The following NDUFV3 variants were observed in gnomAD, a reference collection of about 807,000 sequenced individuals.
The protein encoded by NDUFV3 is NADH:ubiquinone oxidoreductase subunit V3, also known as NADH dehydrogenase [ubiquinone] flavoprotein 3, mitochondrial.
In NDUFV3, 44 loss-of-function variants were observed where a neutral mutation model predicts 37.5. The ratio of observed to expected loss-of-function variants is 1.17; its 90% CI spans 0.92 to 1.51. The LOEUF is 1.51. Among genes scored for constraint, NDUFV3 ranks in the 40% most tolerant of loss-of-function variants. The pLI, the probability that NDUFV3 is intolerant of heterozygous loss-of-function variation, is 0.00. For missense variants in NDUFV3, 580 were observed against 580.4 expected (o/e 1.00, Z 0.01); for synonymous variants, 235 against 239.3 (o/e 0.98, Z 0.17).
In NDUFV3 at chr21:42,912,970, A is replaced by C. The variant is rs1052524376; in HGVS notation, c.*3949A>C. 9 of 151,690 alleles carry C rather than the reference A, an allele frequency of 5.9e-5. No individual in the cohort carries two copies. Among genetic ancestry groups the C allele is most frequent in the African/African-American group, 2.2e-4 (9 of 41,252 alleles). The allele number at this position is 151,690 out of a possible 1,614,324, so 9.4% of individuals were successfully genotyped here. ...TCCCAGCTACTCGGGAGGCTGAGACAGGAGAATGATGTGAACCCGGGAGGC... is the reference window on the plus strand; with the variant it reads ...TCCCAGCTACTCGGGAGGCTGAGACCGGAGAATGATGTGAACCCGGGAGGC... On this transcript the variant is annotated 3_prime_UTR_variant, in exon 4 of 4. Coordinates refer to ENST00000354250, the MANE Select transcript of NDUFV3 (RefSeq NM_021075.4).
At position 42,904,258 on chromosome 21, in the gene NDUFV3, G is replaced by T; in HGVS notation, c.1246G>T (p.Asp416Tyr). ...GGAAGATGCAGCCGCGCCAGGGGAC[G>T]ACCGAGGCGGCACACAGGGTATACC... ...AMEDAAAPGDDRGGTQEPAPV... is the reference protein window; with the variant it reads ...AMEDAAAPGDYRGGTQEPAPV... Residue 416 changes from aspartate (D) to tyrosine (Y), a missense_variant, in exon 3 of 4, where the codon GAC (aspartate) becomes TAC (tyrosine). Asp to Tyr is a radical substitution (Grantham distance 160). Transcript: ENST00000354250. The T allele has an allele frequency of 2.5e-6, 4 of 1,600,466 alleles. No homozygotes were observed. In the South Asian group the frequency reaches 4.5e-5, roughly 18 times the overall value.
At chr21:42,895,849 A>G (rs752479370) in intron 1 of NDUFV3, among the ~76,000 whole-genome samples, 4 of 152,106 alleles carry the variant, frequency 2.6e-5, no homozygotes, top group South Asian at 2.1e-4. Context: ...TCCATAATAT[A>G]CATACATTAT....
At position 42,894,338 on chromosome 21, in the gene NDUFV3, A is replaced by G. The variant is rs1381140678; in HGVS notation, c.48+957A>G. On this transcript the variant is annotated intron_variant, in intron 1 of 3. Coordinates refer to ENST00000354250, the MANE Select transcript of NDUFV3 (RefSeq NM_021075.4). Reference sequence around the variant, plus strand: ...ATATATATATATAAATACATATTATATATATTATATATAAATATATATTAT... The same window carrying G: ...ATATATATATATAAATACATATTATGTATATTATATATAAATATATATTAT... Among the ~76,000 whole-genome samples, 5 of 60,632 alleles carry G rather than the reference A, an allele frequency of 8.2e-5. 1 individual carries two copies. The East Asian group carries it at 1.1e-3, about 13-fold the overall frequency. 39.8% of individuals were successfully genotyped at this position (60,632 alleles called of 152,430 possible). A position where few individuals can be genotyped will look rare whatever the true frequency, so the allele number is the denominator to read the frequency against.
intron 3 of NDUFV3, among the ~76,000 whole-genome samples, chr21:42,905,943 C>T (rs964666791): frequency 8.6e-5 from 13 of 151,380 alleles, no homozygotes; most frequent in Admixed American, 2.0e-4. Flanking sequence ...GGCTCACTGC[C>T]GGCTCCACCT....
intron 2 of NDUFV3, among the ~76,000 whole-genome samples, chr21:42,897,409 T>TGTTTG (rs2058697329): frequency 3.7e-5 from 2 of 53,468 alleles, no homozygotes; most frequent in African/African-American, 1.1e-4. Context: ...CTGAGTTGTT[T>TGTTTG]GTTTTGTTTT....
chr21:42,894,244 A>G (rs1399781170), intron 1 of NDUFV3, among the ~76,000 whole-genome samples: 13 of 135,660 alleles, frequency 9.6e-5, no homozygotes, highest in African/African-American at 3.8e-4. Context: ...TCACTCTCTT[A>G]CAAATTTTAA....
rs1283498508 is a variant in NDUFV3, at chr21:42,904,027, C to T, written c.1015C>T (p.Pro339Ser). ...AAEGHLEKPV[P>S]EPQRKAAPPL... ...AGAGGGGCATCTGGAAAAACCCGTG[C>T]CAGAGCCCCAGCGCAAGGCGGCCCC... is the stretch of plus-strand genomic sequence containing the variant. Residue 339 changes from proline to serine, a missense_variant, in exon 3 of 4, where the codon CCA becomes TCA. Physicochemically the swap from Pro to Ser is moderately conservative, Grantham distance 74. Coordinates refer to ENST00000354250, the MANE Select transcript of NDUFV3 (RefSeq NM_021075.4). The T allele has an allele frequency of 6.2e-7, 1 of 1,613,980 alleles. No individual in the cohort carries two copies. The highest frequency in any genetic ancestry group is 1.3e-5 in the African/African-American group (1 of 74,926).
chr21:42,907,081 A>G (rs1047161155), intron 3 of NDUFV3, among the ~76,000 whole-genome samples: 2 of 152,188 alleles, frequency 1.3e-5, no homozygotes, highest in African/African-American at 4.8e-5. Flanking sequence ...CTTAACCCAA[A>G]TATCAGCCTG....
chr21:42,894,342 ATT>A lies in NDUFV3; in HGVS notation c.48+962_48+963del, dbSNP rs1491571338. Among the ~76,000 whole-genome samples the A allele has an allele frequency of 7.7e-5, 4 of 52,084 alleles. 1 individual carries two copies. In the African/African-American group the frequency reaches 8.1e-4, roughly 11 times the overall value. The allele number at this position is 52,084 out of a possible 152,430, so 34.2% of individuals were successfully genotyped here. On this transcript the variant is annotated intron_variant, in intron 1 of 3. Coordinates refer to ENST00000354250, the MANE Select transcript of NDUFV3 (RefSeq NM_021075.4). Reference sequence around the variant, plus strand: ...ATATATATAAATACATATTATATATATTATATATAAATATATATTATATATAT... The same window carrying A: ...ATATATATAAATACATATTATATATAATATATAAATATATATTATATATAT...
chr21:42,897,093 A>G, intron 2 of NDUFV3, 46 bp downstream of exon 2: 1 of 1,608,154 alleles, frequency 6.2e-7, no homozygotes, highest in South Asian at 1.1e-5. Flanking sequence ...TGCAAAAAGA[A>G]AATAGATTAG....
At chr21:42,896,475 C>T (rs1431349200) in intron 1 of NDUFV3, among the ~76,000 whole-genome samples, 2 of 151,832 alleles carry the variant, frequency 1.3e-5, no homozygotes, top group Non-Finnish European at 2.9e-5. Flanking sequence ...TTAGTAGAGA[C>T]GGGGTTGTCC....
chr21:42,900,203 A>G (rs2058712816), intron 2 of NDUFV3, among the ~76,000 whole-genome samples: 1 of 152,076 alleles, frequency 6.6e-6, no homozygotes, highest in South Asian at 2.1e-4. Context: ...CCCTGTCTCG[A>G]CAAAAATAAA....
intron 2 of NDUFV3, among the ~76,000 whole-genome samples, chr21:42,898,361 C>T (rs2058703612): frequency 6.6e-6 from 1 of 152,220 alleles, no homozygotes; most frequent in Admixed American, 6.5e-5. Context: ...TAGCTCACTA[C>T]AGCCTCAAAC....
In NDUFV3 at chr21:42,903,881, C is replaced by A. The variant is rs1355106411; in HGVS notation, c.869C>A (p.Pro290His). The stretch of plus-strand genomic sequence containing the variant: ...CAAAAGCCATTTGAAGTTAAAGGAC[C>A]CTTACCTGTCCACACAAAATCAGGG... ...ESQKPFEVKG[P>H]LPVHTKSGLS... Residue 290 changes from proline to histidine, a missense_variant, in exon 3 of 4, where the codon CCC (proline) becomes CAC (histidine). Transcript: ENST00000354250. 3.1e-6 allele frequency: 5 copies of A among 1,611,806 alleles called. No homozygotes were observed. The highest frequency in any genetic ancestry group is 4.2e-6 in the Non-Finnish European group (5 of 1,179,312).
At position 42,904,140 on chromosome 21, in the gene NDUFV3, A is replaced by C; in HGVS notation, c.1128A>C (p.Pro376=). The change falls in exon 3 of 4, where the codon CCA becomes CCC. Residue 376 remains proline, a synonymous_variant. Transcript: ENST00000354250. The stretch of plus-strand genomic sequence containing the variant: ...AGGCAATCGTGGAAGATCAGATACC[A>C]CCAAGCAATTTGGAGACAGTTCCTG... ...GGQAIVEDQI[P]PSNLETVPVE... 1.9e-6 allele frequency: 3 copies of C among 1,614,234 alleles called. No individual in the cohort carries two copies. The highest frequency in any genetic ancestry group is 2.5e-6 in the Non-Finnish European group (3 of 1,180,050).
Position 42,903,276 on chromosome 21 carries a change from A to G in NDUFV3, c.264A>G (p.Pro88=). ...KNLSSPSSYP[P]AVNKGRKVAS... ...TATCTTCACCCAGTTCTTACCCGCC[A>G]GCTGTGAATAAGGGCAGGAAGGTAG... Residue 88 remains proline, a synonymous_variant, in exon 3 of 4, where the codon CCA becomes CCG. Transcript: ENST00000354250. 1.9e-6 allele frequency: 3 copies of G among 1,614,196 alleles called. No individual in the cohort carries two copies. The highest frequency in any genetic ancestry group is 1.6e-4 in the Middle Eastern group (1 of 6,062).
chr21:42,903,391 A>G lies in NDUFV3; in HGVS notation c.379A>G (p.Lys127Glu). Residue 127 changes from lysine to glutamate, a missense_variant, in exon 3 of 4, where the codon AAA becomes GAA. Transcript: ENST00000354250. Reference sequence around the variant, plus strand: ...AAAGACTTTGGTAGAGTTTCCACAGAAAGTTCTGTCTCCATTCAGAAAACA... The same window carrying G: ...AAAGACTTTGGTAGAGTTTCCACAGGAAGTTCTGTCTCCATTCAGAAAACA... ...SRKTLVEFPQ[K>E]VLSPFRKQGS... 6.2e-7 allele frequency: 1 copy of G among 1,614,200 alleles called. No homozygotes were observed. Among genetic ancestry groups the G allele is most frequent in the South Asian group, 1.1e-5 (1 of 91,088 alleles).
Position 42,904,023 on chromosome 21 carries a change from C to CGTGCCAGA in NDUFV3, c.1013_1020dup (p.Pro341CysfsTer23). On this transcript the variant is annotated frameshift_variant, in exon 3 of 4. Coordinates refer to ENST00000354250, the MANE Select transcript of NDUFV3 (RefSeq NM_021075.4). LOFTEE classifies it high-confidence loss of function. ...CGGCAGAGGGGCATCTGGAAAAACC[C>CGTGCCAGA]GTGCCAGAGCCCCAGCGCAAGGCGG... The CGTGCCAGA allele has an allele frequency of 6.2e-7, 1 of 1,614,090 alleles. No individual in the cohort carries two copies. Among genetic ancestry groups the CGTGCCAGA allele is most frequent in the Non-Finnish European group, 8.5e-7 (1 of 1,179,996 alleles).
rs11334569 is a variant in NDUFV3 at position 42,904,649 on chromosome 21, A to AT, written c.1264+381dup. 4.6e-4 allele frequency among the ~76,000 whole-genome samples: 69 copies of AT among 151,454 alleles called. 1 individual carries two copies. The highest frequency in any genetic ancestry group is 1.4e-3 in the African/African-American group (59 of 41,312). The stretch of plus-strand genomic sequence containing the variant: ...AGGCGCAGGCCACCACACCTGGCTA[A>AT]TTTTTTTTGTATTTTTAGTAGAGAT... On this transcript the variant is annotated intron_variant, in intron 3 of 3. Coordinates refer to ENST00000354250, the MANE Select transcript of NDUFV3 (RefSeq NM_021075.4).
Sources: allele counts gnomAD v4.1 joint callset (sites outside exome capture counted in the v4.1 genomes callset), GRCh38; gene constraint gnomAD v4.1.1; transcripts MANE v1.5; gene names NCBI Gene and HGNC (gene_info 2026-07-23, HGNC 2026-07-21).